The following C10orf90 variants were observed in gnomAD, a reference collection of about 807,000 sequenced individuals.
C10orf90 encodes chromosome 10 open reading frame 90.
C10orf90 carries 56 observed loss-of-function variants against 62.5 expected under a neutral mutation model. That is an observed-to-expected ratio of 0.90 (90% confidence interval 0.72 to 1.12). The LOEUF is 1.12. C10orf90 is among the 50% of genes most tolerant of loss of function. The pLI is 0.00. For synonymous variants in C10orf90, 386 were observed against 340.4 expected, an observed-to-expected ratio of 1.13 and a Z score of -1.47; for missense variants, 970 against 880.4, an observed-to-expected ratio of 1.10 and a Z score of -1.29.
At chr10:126,616,118 G>A (rs7093867) in intron 2 of C10orf90, among the ~76,000 whole-genome samples, 7,362 of 152,278 alleles carry the variant, frequency 0.048, 520 homozygotes, top group African/African-American at 0.16. Flanking sequence ...CAAGACCCCA[G>A]CACTTCTTGT....
intron 2 of C10orf90, among the ~76,000 whole-genome samples, chr10:126,515,866 G>T (rs1863413309): frequency 6.6e-6 from 1 of 152,144 alleles, no homozygotes; most frequent in Non-Finnish European, 1.5e-5. Flanking sequence ...TCAGATGTGG[G>T]GCCCTGCCTC....
intron 7 of C10orf90, among the ~76,000 whole-genome samples, chr10:126,447,169 C>T (rs1858837251): frequency 6.6e-6 from 1 of 151,692 alleles, no homozygotes; most frequent in Non-Finnish European, 1.5e-5. Context: ...TAATATCTTA[C>T]CTATTAATAA....
chr10:126,467,399 G>T (rs1860353241), intron 4 of C10orf90, among the ~76,000 whole-genome samples: 1 of 152,226 alleles, frequency 6.6e-6, no homozygotes, highest in East Asian at 1.9e-4. Context: ...AAGGCGGCAT[G>T]TGTGCTCTTC....
intron 2 of C10orf90, among the ~76,000 whole-genome samples, chr10:126,599,723 C>T (rs920364916): frequency 2.0e-5 from 3 of 152,038 alleles, no homozygotes; most frequent in Non-Finnish European, 2.9e-5. Flanking sequence ...AATCCCCTTC[C>T]AATTGTTAAT....
intron 4 of C10orf90, among the ~76,000 whole-genome samples, chr10:126,498,642 C>G (rs1862210594): frequency 6.6e-6 from 1 of 152,216 alleles, no homozygotes; most frequent in Non-Finnish European, 1.5e-5. Context: ...GCTTCTTCCC[C>G]CAGCTGCTGG....
At chr10:126,625,879 C>A (rs866129838) in intron 2 of C10orf90, among the ~76,000 whole-genome samples, 1 of 152,080 alleles carries the variant, frequency 6.6e-6, no homozygotes, top group Non-Finnish European at 1.5e-5. Flanking sequence ...CTTTGGGAAG[C>A]CGAGGTGGCA....
chr10:126,651,658 C>T (rs187872986), intron 1 of C10orf90, among the ~76,000 whole-genome samples: 303 of 152,234 alleles, frequency 2.0e-3, no homozygotes, highest in African/African-American at 7.0e-3. Context: ...GAGAAAACAG[C>T]TGAGAATTTC....
chr10:126,633,119 C>T lies in C10orf90; in HGVS notation c.313+13446G>A, dbSNP rs114252415. On this transcript the variant is annotated intron_variant, in intron 2 of 9. Transcript: ENST00000488181. The stretch of plus-strand genomic sequence containing the variant: ...CCTTCTGCCATCATACAGACATGCC[C>T]CTACCCCTGCCAATCATGTGATAAA... Among the ~76,000 whole-genome samples the T allele has an allele frequency of 2.1e-3, 325 of 152,276 alleles. 2 individuals carry two copies. Among genetic ancestry groups the T allele is most frequent in the African/African-American group, 7.4e-3 (308 of 41,560 alleles).
rs61019575 is a variant in C10orf90, at chr10:126,599,674, AG to A, written c.313+46890del. Among the ~76,000 whole-genome samples, 95 of 152,188 alleles carry A rather than the reference AG, an allele frequency of 6.2e-4. 5 individuals are homozygous for A. In the East Asian group the frequency reaches 0.018, roughly 30 times the overall value. ...CATTTATAGCTGCCTACACAATTAA[AG>A]GTGGATTAGAAACCTGGTAATAGGG... is the stretch of plus-strand genomic sequence containing the variant. On this transcript the variant is annotated intron_variant, in intron 2 of 9. Transcript: ENST00000488181.
intron 3 of C10orf90, among the ~76,000 whole-genome samples, chr10:126,513,383 A>G (rs1470949276): frequency 6.6e-6 from 1 of 152,238 alleles, no homozygotes; most frequent in Non-Finnish European, 1.5e-5. Context: ...TGTATGATAC[A>G]TTGACGATAT....
At chr10:126,565,439 C>CATATTAT (rs1315196931) in intron 2 of C10orf90, among the ~76,000 whole-genome samples, 1 of 52,552 alleles carries the variant, frequency 1.9e-5, no homozygotes, top group African/African-American at 1.1e-4. Flanking sequence ...ATATATTATA[C>CATATTAT]ACACACACAC....
chr10:126,506,943 T>TGTGTGTGTGTGC (rs1554903416), intron 3 of C10orf90, among the ~76,000 whole-genome samples: 2 of 149,554 alleles, frequency 1.3e-5, no homozygotes, highest in African/African-American at 5.0e-5. Context: ...TGTGTGTGTG[T>TGTGTGTGTGTGC]GCGTGCGTGT....
At chr10:126,618,344 A>T (rs1323580843) in intron 2 of C10orf90, among the ~76,000 whole-genome samples, 3 of 152,186 alleles carry the variant, frequency 2.0e-5, no homozygotes, top group African/African-American at 7.2e-5. Context: ...TGACATTGAC[A>T]TGGAAACTCA....
At position 126,477,313 on chromosome 10, in the gene C10orf90, GAA is replaced by G. The variant is rs72254071; in HGVS notation, c.1535-12329_1535-12328del. Among the ~76,000 whole-genome samples the G allele has an allele frequency of 4.0e-3, 562 of 140,674 alleles. 8 individuals carry two copies. The highest frequency in any genetic ancestry group is 0.014 in the African/African-American group (522 of 38,468). 92.3% of individuals were successfully genotyped at this position (140,674 alleles called of 152,430 possible). ...AATATTCAATATTTTTAAAGAACAT[GAA>G]AAAAAAAAAAGATAGTTGATTTCTT... On this transcript the variant is annotated intron_variant, in intron 4 of 9. Transcript: ENST00000488181.
chr10:126,560,266 G>A (rs564502654), intron 2 of C10orf90, among the ~76,000 whole-genome samples: 1 of 152,282 alleles, frequency 6.6e-6, no homozygotes, highest in East Asian at 1.9e-4. Context: ...AGTGATCCGA[G>A]TCTTCATTTT....
At chr10:126,457,155 A>AT (rs1859639354) in intron 7 of C10orf90, among the ~76,000 whole-genome samples, 1 of 151,974 alleles carries the variant, frequency 6.6e-6, no homozygotes, top group Admixed American at 6.5e-5. Flanking sequence ...CACCTGGCCA[A>AT]TTTTTGTACT....
intron 2 of C10orf90, among the ~76,000 whole-genome samples, chr10:126,576,858 A>G (rs1431032620): frequency 6.6e-6 from 1 of 150,542 alleles, no homozygotes; most frequent in Non-Finnish European, 1.5e-5. Flanking sequence ...ACACAGATGG[A>G]ACTGAAGGAC....
At chr10:126,527,501 C>T (rs1202015373) in intron 2 of C10orf90, among the ~76,000 whole-genome samples, 1 of 152,188 alleles carries the variant, frequency 6.6e-6, no homozygotes, top group East Asian at 1.9e-4. Flanking sequence ...GATTCTCAGA[C>T]TCCGTAAGGC....
intron 2 of C10orf90, among the ~76,000 whole-genome samples, chr10:126,566,971 C>T (rs1328414461): frequency 1.3e-5 from 2 of 152,028 alleles, no homozygotes; most frequent in Non-Finnish European, 2.9e-5. Flanking sequence ...TGAAAATTTC[C>T]ATTTAGACAC....
Sources: allele counts gnomAD v4.1 joint callset (sites outside exome capture counted in the v4.1 genomes callset), GRCh38; gene constraint gnomAD v4.1.1; transcripts MANE v1.5; gene names NCBI Gene and HGNC (gene_info 2026-07-23, HGNC 2026-07-21).